The following SMARCA2 variants were observed in gnomAD, a reference collection of about 807,000 sequenced individuals.
SMARCA2 encodes SWI/SNF related BAF chromatin remodeling complex subunit ATPase 2, also known as SWI/SNF-related matrix-associated actin-dependent regulator of chromatin subfamily A member 2.
A neutral mutation model predicts 199.8 loss-of-function variants in SMARCA2; 61 were observed. The observed-to-expected ratio is 0.31, with a 90% CI of 0.25 to 0.38. The LOEUF is 0.38. Ranked by LOEUF, SMARCA2 falls within the 10% of genes least tolerant of loss-of-function variation. The pLI is 1.00. For synonymous variants in SMARCA2, 935 were observed against 732.0 expected, an observed-to-expected ratio of 1.28 and a Z score of -4.48; for missense variants, 1,344 against 2,012.2, an observed-to-expected ratio of 0.67 and a Z score of 6.35.
chr9:2,084,304 T>C, intron 17 of SMARCA2, 108 bp downstream of exon 17: 5 of 625,608 alleles, frequency 8.0e-6, no homozygotes, highest in Non-Finnish European at 1.4e-5. Flanking sequence ...CTTGTCCTTT[T>C]CTTTATTTTT....
intron 8 of SMARCA2, 82 bp from the exon 9 acceptor site, chr9:2,060,734 T>G: frequency 7.5e-7 from 1 of 1,333,004 alleles, no homozygotes; most frequent in South Asian, 1.3e-5. Flanking sequence ...AAATGCAGAC[T>G]GTCAAGGGGA....
In SMARCA2 at chr9:2,123,962, T is replaced by A; in HGVS notation, c.3981+25T>A. ...GGTAAGCCTAGCTTTTCTAACCCGC[T>A]CTCACTAGGTGGAGGGTTTTTGGTG... On this transcript the variant is annotated intron_variant, in intron 27 of 33. Transcript: ENST00000349721. This position sits in a 1 kb window ranked among gnomAD's most constrained non-coding sequence, Gnocchi z 4.1. The A allele has an allele frequency of 6.5e-7, 1 of 1,532,970 alleles. No individual in the cohort carries two copies. Among genetic ancestry groups the A allele is most frequent in the Non-Finnish European group, 8.8e-7 (1 of 1,131,096 alleles). 95.0% of individuals were successfully genotyped at this position (1,532,970 alleles called of 1,614,324 possible). A position where few individuals can be genotyped will look rare whatever the true frequency, so the allele number is the denominator to read the frequency against.
intron 19 of SMARCA2, among the ~76,000 whole-genome samples, chr9:2,096,019 C>T (rs564782818): frequency 6.6e-6 from 1 of 152,158 alleles, no homozygotes; most frequent in Non-Finnish European, 1.5e-5. Flanking sequence ...GATGGTATTT[C>T]AACTGGAAGC....
intron 5 of SMARCA2, chr9:2,047,823 C>A (rs79970533): frequency 6.0e-6 from 1 of 167,180 alleles, no homozygotes; most frequent in African/African-American, 2.4e-5. Context: ...TTCATGTTAA[C>A]TGTACGTTTC....
chr9:2,155,668 T>C (rs1825319356), intron 27 of SMARCA2, among the ~76,000 whole-genome samples: 1 of 148,132 alleles, frequency 6.8e-6, no homozygotes, highest in Non-Finnish European at 1.5e-5. Flanking sequence ...GCTCCCCTTT[T>C]CCCTTCGTCA....
chr9:2,095,611 T>G (rs551274342), intron 19 of SMARCA2, among the ~76,000 whole-genome samples: 1 of 152,208 alleles, frequency 6.6e-6, no homozygotes, highest in African/African-American at 2.4e-5. Context: ...CTAATCTCAT[T>G]TGATGCATGA....
Position 2,077,706 on chromosome 9 carries a change from C to T in SMARCA2, c.2114C>T (p.Ala705Val), listed in dbSNP as rs1361221174. Residue 705 changes from alanine to valine, a missense_variant, in exon 14 of 34, where the codon GCT (alanine) becomes GTT (valine). Around this residue, in one of 18 missense-constraint regions of SMARCA2, gnomAD observed 106 missense variants for 179.7 expected, o/e 0.59. Transcript: ENST00000349721. Reference protein sequence around the residue: ...ARGSQSYYTVAHAISERVEKQ... With the variant: ...ARGSQSYYTVVHAISERVEKQ... ...GGCTCCCAGTCCTACTACACCGTGGCTCATGCCATCTCGGAGAGGGTGGAG... is the reference window on the plus strand; with the variant it reads ...GGCTCCCAGTCCTACTACACCGTGGTTCATGCCATCTCGGAGAGGGTGGAG... 6.2e-7 allele frequency: 1 copy of T among 1,614,012 alleles called. No homozygotes were observed. The highest frequency in any genetic ancestry group is 2.2e-5 in the East Asian group (1 of 44,880).
intron 23 of SMARCA2, among the ~76,000 whole-genome samples, chr9:2,105,006 C>A (rs1186954665): frequency 1.3e-5 from 2 of 152,168 alleles, no homozygotes; most frequent in Non-Finnish European, 2.9e-5. Flanking sequence ...TGCAGTATTA[C>A]TATTGTTAAA....
chr9:2,116,204 G>C (rs151149570), intron 25 of SMARCA2, among the ~76,000 whole-genome samples, 155 bp downstream of exon 25: 2 of 152,242 alleles, frequency 1.3e-5, no homozygotes, highest in Non-Finnish European at 2.9e-5. Flanking sequence ...CAGAAAGCCT[G>C]TGAAAGTTAT....
chr9:2,182,389 T>TAAGA, intron 31 of SMARCA2, 147 bp downstream of exon 31: 1 of 589,004 alleles, frequency 1.7e-6, no homozygotes, highest in Non-Finnish European at 3.0e-6. Context: ...GCTACCTGTG[T>TAAGA]AAGAAAATAG....
chr9:2,143,359 G>T (rs1824557250), intron 27 of SMARCA2, among the ~76,000 whole-genome samples: 1 of 152,178 alleles, frequency 6.6e-6, no homozygotes, highest in Non-Finnish European at 1.5e-5. Context: ...CAAAGAATCT[G>T]GGCTTTATTC....
intron 25 of SMARCA2, among the ~76,000 whole-genome samples, chr9:2,118,822 T>A (rs1220518954): frequency 6.6e-6 from 1 of 152,202 alleles, no homozygotes. Flanking sequence ...TTATTTTAAT[T>A]AAGTATAATT....
At chr9:2,089,840 G>A (rs532032666) in intron 19 of SMARCA2, among the ~76,000 whole-genome samples, 2 of 152,130 alleles carry the variant, frequency 1.3e-5, no homozygotes, top group South Asian at 4.2e-4. Context: ...ATACAGTTAC[G>A]GTGATTCTGC....
chr9:2,035,310 T>C (rs1819279502), intron 3 of SMARCA2, among the ~76,000 whole-genome samples: 1 of 152,186 alleles, frequency 6.6e-6, no homozygotes, highest in Non-Finnish European at 1.5e-5. Flanking sequence ...CCCACAGTGC[T>C]GGGATTACAG....
At chr9:2,189,941 C>G (rs925764997) in intron 32 of SMARCA2, among the ~76,000 whole-genome samples, 3 of 152,184 alleles carry the variant, frequency 2.0e-5, no homozygotes, top group Admixed American at 2.0e-4. Flanking sequence ...CTAGGATTCC[C>G]TCTATGACAA....
chr9:2,175,893 T>G (rs1238700977), intron 29 of SMARCA2, among the ~76,000 whole-genome samples: 1 of 152,070 alleles, frequency 6.6e-6, no homozygotes, highest in Non-Finnish European at 1.5e-5. Context: ...TTTGTTTGTT[T>G]TTTGAGATGA....
Position 2,133,714 on chromosome 9 carries a change from T to G in SMARCA2, c.3981+9777T>G, listed in dbSNP as rs574852059. 3.3e-5 allele frequency among the ~76,000 whole-genome samples: 5 copies of G among 152,138 alleles called. 1 individual carries two copies. The South Asian group carries it at 1.0e-3, about 32-fold the overall frequency. On this transcript the variant is annotated intron_variant, in intron 27 of 33. Transcript: ENST00000349721. ...TTTCTTAATAAAGAAATGTAATTAT[T>G]CATTAAGAGGTGGAGGTGGGGAAGA...
intron 4 of SMARCA2, among the ~76,000 whole-genome samples, chr9:2,046,278 C>T (rs570965718): frequency 2.9e-4 from 44 of 152,062 alleles, no homozygotes; most frequent in African/African-American, 1.0e-3. Flanking sequence ...TAAGTCTGTA[C>T]CTAGTAATTA....
chr9:2,141,856 C>G (rs924233583), intron 27 of SMARCA2, among the ~76,000 whole-genome samples: 3 of 152,138 alleles, frequency 2.0e-5, no homozygotes, highest in African/African-American at 4.8e-5. Context: ...GATCTCCTGG[C>G]TTGTGAATTC....
Sources: allele counts gnomAD v4.1 joint callset (sites outside exome capture counted in the v4.1 genomes callset), GRCh38; gene constraint gnomAD v4.1.1; regional missense constraint gnomAD v4.1.1; non-coding constraint Gnocchi (gnomAD v3.1); transcripts MANE v1.5; gene names NCBI Gene and HGNC (gene_info 2026-07-23, HGNC 2026-07-21).